Variants in GLCCI1 observed in about 807,000 individuals in gnomAD.
GLCCI1 encodes the protein glucocorticoid induced 1.
In GLCCI1, 24 loss-of-function variants were observed where a neutral mutation model predicts 52.2. That is an observed-to-expected ratio of 0.46 (90% CI 0.33 to 0.65). The LOEUF is 0.65. GLCCI1 is among the 30% of genes least tolerant of loss of function. The pLI, the probability that GLCCI1 is intolerant of heterozygous loss-of-function variation, is 0.02. For synonymous variants in GLCCI1, 310 were observed against 276.5 expected (o/e 1.12, Z -1.20); for missense variants, 704 against 701.5 (o/e 1.00, Z -0.04).
At position 8,031,034 on chromosome 7, in the gene GLCCI1, TG is replaced by T. The variant is rs547646274; in HGVS notation, c.696+8468del. On this transcript the variant is annotated intron_variant, in intron 3 of 7. Coordinates refer to ENST00000223145, the MANE Select transcript of GLCCI1 (RefSeq NM_138426.4). ...CCATATGATCCAGCAATCCTACTGCTGGGTATATACCCAAAGGAAAGAAAAT... is the reference window on the plus strand; with the variant it reads ...CCATATGATCCAGCAATCCTACTGCTGGTATATACCCAAAGGAAAGAAAAT... Among the ~76,000 whole-genome samples, 26 of 152,258 alleles carry T rather than the reference TG, an allele frequency of 1.7e-4. No individual in the cohort carries two copies. The East Asian group carries it at 5.0e-3, about 29-fold the overall frequency.
At chr7:7,988,149 T>C (rs185925728) in intron 1 of GLCCI1, among the ~76,000 whole-genome samples, 1 of 152,268 alleles carries the variant, frequency 6.6e-6, no homozygotes, top group African/African-American at 2.4e-5. Context: ...AACCTAGAAC[T>C]AAGGCAGCAC....
chr7:7,998,993 A>G (rs1395336649), intron 1 of GLCCI1, among the ~76,000 whole-genome samples: 1 of 151,904 alleles, frequency 6.6e-6, no homozygotes, highest in Admixed American at 6.6e-5. Context: ...TTTATAATAT[A>G]TAAAATATTA....
At chr7:7,999,944 C>G (rs1279073806) in intron 1 of GLCCI1, among the ~76,000 whole-genome samples, 1 of 152,102 alleles carries the variant, frequency 6.6e-6, no homozygotes, top group Non-Finnish European at 1.5e-5. Context: ...TCAAAAAAAC[C>G]ATTAAAATGG....
In GLCCI1 at chr7:7,969,107, G is replaced by A; in HGVS notation, c.-244G>A. The stretch of plus-strand genomic sequence containing the variant: ...CGGCCCCGGCCGTGACCGCCACACC[G>A]AGCCCAGCCGGGCGGTTGCGGCCGT... On this transcript the variant is annotated 5_prime_UTR_variant, in exon 1 of 8. Coordinates refer to ENST00000223145, the MANE Select transcript of GLCCI1 (RefSeq NM_138426.4). This position sits in a 1 kb window ranked among gnomAD's most constrained non-coding sequence, Gnocchi z 4.9. The A allele has an allele frequency of 4.5e-6, 1 of 220,402 alleles. No homozygotes were observed. The highest frequency in any genetic ancestry group is 8.5e-6 in the Non-Finnish European group (1 of 117,800). The allele number at this position is 220,402 out of a possible 1,614,324, so 13.7% of individuals were successfully genotyped here. A position where few individuals can be genotyped will look rare whatever the true frequency, so the allele number is the denominator to read the frequency against.
intron 3 of GLCCI1, among the ~76,000 whole-genome samples, chr7:8,040,542 A>C (rs1781975194): frequency 6.6e-6 from 1 of 151,892 alleles, no homozygotes; most frequent in African/African-American, 2.4e-5. Context: ...ACACACACAC[A>C]CACACACACA....
rs868216560 is a variant in GLCCI1, at chr7:8,084,697, T to C, written c.1178-200T>C. ...AAAATGTCCTTTTTATGTTCTATGG[T>C]GTGGCAGATGACTGTTGCATTGCAG... On this transcript the variant is annotated intron_variant, in intron 6 of 7. Transcript: ENST00000223145. 43 of 502,522 alleles carry C rather than the reference T, an allele frequency of 8.6e-5. No homozygotes were observed. The Middle Eastern group carries it at 3.6e-3, about 43-fold the overall frequency. The allele number at this position is 502,522 out of a possible 1,614,324, so 31.1% of individuals were successfully genotyped here. A position where few individuals can be genotyped will look rare whatever the true frequency, so the allele number is the denominator to read the frequency against.
intron 2 of GLCCI1, among the ~76,000 whole-genome samples, chr7:8,009,353 A>G (rs1266978275): frequency 6.6e-6 from 1 of 152,188 alleles, no homozygotes; most frequent in East Asian, 1.9e-4. Flanking sequence ...TCTGTGTTTG[A>G]ATGTGTTTTT....
At chr7:8,005,363 GA>G (rs1333428093) in intron 2 of GLCCI1, among the ~76,000 whole-genome samples, 1 of 152,074 alleles carries the variant, frequency 6.6e-6, no homozygotes, top group Admixed American at 6.6e-5. Flanking sequence ...ACACACACAA[GA>G]AAAAAACTAA....
At chr7:8,083,792 A>G (rs1264641368) in intron 6 of GLCCI1, among the ~76,000 whole-genome samples, 2 of 152,222 alleles carry the variant, frequency 1.3e-5, no homozygotes, top group African/African-American at 2.4e-5. Flanking sequence ...CAAGACTCTA[A>G]CAAGCATTAG....
chr7:7,980,607 T>C, intron 1 of GLCCI1: 1 of 743,986 alleles, frequency 1.3e-6, no homozygotes, highest in South Asian at 1.6e-5. Context: ...TAGGATTGTA[T>C]GGTGATCAAG....
intron 6 of GLCCI1, among the ~76,000 whole-genome samples, chr7:8,078,208 TAAAA>T (rs5882151): frequency 5.8e-5 from 5 of 86,236 alleles, no homozygotes; most frequent in Non-Finnish European, 8.7e-5. Flanking sequence ...GACTCCGTCT[TAAAA>T]AAAAAAAAAA....
At chr7:7,992,711 G>A (rs1780866503) in intron 1 of GLCCI1, among the ~76,000 whole-genome samples, 1 of 151,900 alleles carries the variant, frequency 6.6e-6, no homozygotes, top group African/African-American at 2.4e-5. Context: ...CACACATGTT[G>A]GACCTTCTTT....
intron 5 of GLCCI1, among the ~76,000 whole-genome samples, chr7:8,069,103 G>C (rs1226361604): frequency 6.6e-6 from 1 of 152,134 alleles, no homozygotes. Flanking sequence ...GCACTCCCAG[G>C]CTGCAGCCCT....
chr7:7,989,851 T>C (rs779465170), intron 1 of GLCCI1, among the ~76,000 whole-genome samples: 2 of 152,090 alleles, frequency 1.3e-5, no homozygotes, highest in African/African-American at 2.4e-5. Context: ...CTCTCCTGTC[T>C]CATTCTAAAG....
intron 3 of GLCCI1, among the ~76,000 whole-genome samples, chr7:8,027,153 C>G (rs1239190250): frequency 6.6e-6 from 1 of 152,190 alleles, no homozygotes; most frequent in Non-Finnish European, 1.5e-5. Context: ...GCACCAGGGA[C>G]TAATCCTAGA....
chr7:8,006,929 C>A (rs141348044), intron 2 of GLCCI1, among the ~76,000 whole-genome samples: 298 of 152,282 alleles, frequency 2.0e-3, no homozygotes, highest in African/African-American at 6.8e-3. Flanking sequence ...AAAGCAAGAA[C>A]CAGGGAATGG....
chr7:8,086,734 CA>C lies in GLCCI1; in HGVS notation c.*200del. On this transcript the variant is annotated 3_prime_UTR_variant, in exon 8 of 8. Transcript: ENST00000223145. The surrounding 1 kb of genome is among the most constrained non-coding windows in gnomAD (Gnocchi z 4.4). Reference sequence around the variant, plus strand: ...TTTTTGTGGAAAGCAGTAATGCTTGCAAAACGTGTGTGTCATTCAGCATTTT... The same window carrying C: ...TTTTTGTGGAAAGCAGTAATGCTTGCAAACGTGTGTGTCATTCAGCATTTT... The C allele has an allele frequency of 1.8e-6, 1 of 565,692 alleles. No individual in the cohort carries two copies. The highest frequency in any genetic ancestry group is 3.1e-6 in the Non-Finnish European group (1 of 322,672). The allele number at this position is 565,692 out of a possible 1,614,324, so 35.0% of individuals were successfully genotyped here.
In GLCCI1 at chr7:8,037,663, T is replaced by G. The variant is rs1781896810; in HGVS notation, c.696+15094T>G. Among the ~76,000 whole-genome samples the G allele has an allele frequency of 1.3e-5, 2 of 151,968 alleles. 1 individual carries two copies. The highest frequency in any genetic ancestry group is 1.3e-4 in the Admixed American group (2 of 15,250). On this transcript the variant is annotated intron_variant, in intron 3 of 7. Transcript: ENST00000223145. ...GCTTACAAGAAATCCACCTAACTGCTAAAGACACGTAAAGACTCAAGGTAA... is the reference window on the plus strand; with the variant it reads ...GCTTACAAGAAATCCACCTAACTGCGAAAGACACGTAAAGACTCAAGGTAA...
At chr7:8,035,552 G>T (rs1380650344) in intron 3 of GLCCI1, among the ~76,000 whole-genome samples, 1 of 152,104 alleles carries the variant, frequency 6.6e-6, no homozygotes, top group African/African-American at 2.4e-5. Context: ...TGAAAGGTGG[G>T]GCACCTCCCC....
Sources: allele counts gnomAD v4.1 joint callset (sites outside exome capture counted in the v4.1 genomes callset), GRCh38; gene constraint gnomAD v4.1.1; non-coding constraint Gnocchi (gnomAD v3.1); transcripts MANE v1.5; gene names NCBI Gene and HGNC (gene_info 2026-07-23, HGNC 2026-07-21).